KLHL21: variants seen among roughly 807,000 people sequenced by gnomAD.
The protein encoded by KLHL21 is kelch-like protein 21.
A neutral mutation model predicts 44.1 loss-of-function variants in KLHL21; 42 were observed. The observed-to-expected ratio is 0.95, with a 90% confidence interval of 0.74 to 1.23. KLHL21 has a LOEUF of 1.23. KLHL21 is among the 50% of genes most tolerant of loss of function. The pLI, the probability that KLHL21 is intolerant of heterozygous loss-of-function variation, is 0.00. For missense variants in KLHL21, 918 were observed against 889.1 expected (o/e 1.03, Z -0.41); for synonymous variants, 524 against 411.6 (o/e 1.27, Z -3.31).
At position 6,592,300 on chromosome 1, in the gene KLHL21, G is replaced by A. The variant is rs918527679; in HGVS notation, c.*1065C>T. 17 of 152,340 alleles carry A rather than the reference G, an allele frequency of 1.1e-4. No individual in the cohort carries two copies. The highest frequency in any genetic ancestry group is 3.6e-4 in the African/African-American group (15 of 41,570). 9.4% of individuals were successfully genotyped at this position (152,340 alleles called of 1,614,324 possible). ...CCCTCTTCTCTAAAAAGGAGGCAAG[G>A]ACAAAAACTCAAGCCAAGGCTACTT... On this transcript the variant is annotated 3_prime_UTR_variant, in exon 4 of 4. Transcript: ENST00000377658.
chr1:6,601,888 C>G lies in KLHL21; in HGVS notation c.930G>C (p.Gln310His), dbSNP rs1302529223. Residue 310 changes from glutamine to histidine, a missense_variant, in exon 1 of 4, where the codon CAG becomes CAC. Coordinates refer to ENST00000377658, the MANE Select transcript of KLHL21 (RefSeq NM_014851.4). ...ELVTVDCYNP[Q>H]TGQWRYLAEF... ...CGGCCAGGTAGCGCCACTGACCCGT[C>G]TGCGGGTTGTAGCAGTCGACAGTGA... The G allele has an allele frequency of 8.3e-6, 13 of 1,569,986 alleles. No homozygotes were observed. The highest frequency in any genetic ancestry group is 3.3e-4 in the Middle Eastern group (2 of 6,050).
rs1331224278 is a variant in KLHL21 at position 6,590,949 on chromosome 1, A to C, written c.*2416T>G. On this transcript the variant is annotated 3_prime_UTR_variant, in exon 4 of 4. Coordinates refer to ENST00000377658, the MANE Select transcript of KLHL21 (RefSeq NM_014851.4). ...ACCTTATAGTAGATCAGCATTAAAT[A>C]CCAGTCACTGTGTTTATATAACTTA... The C allele has an allele frequency of 2.5e-6, 1 of 398,570 alleles. No homozygotes were observed. Among genetic ancestry groups the C allele is most frequent in the African/African-American group, 2.1e-5 (1 of 48,654 alleles). The allele number at this position is 398,570 out of a possible 1,614,324, so 24.7% of individuals were successfully genotyped here. A position where few individuals can be genotyped will look rare whatever the true frequency, so the allele number is the denominator to read the frequency against.
rs1570204866 is a variant in KLHL21 at position 6,601,789 on chromosome 1, C to T, written c.1021+8G>A. ...CCAGAGAGCCTGCCCAGCCCCTGGC[C>T]CACTCACCCGTCACGTAGATGTCAT... On this transcript the variant is annotated splice_region_variant and intron_variant, in intron 1 of 3. Coordinates refer to ENST00000377658, the MANE Select transcript of KLHL21 (RefSeq NM_014851.4). 2 of 1,563,288 alleles carry T rather than the reference C, an allele frequency of 1.3e-6. No homozygotes were observed. Among genetic ancestry groups the T allele is most frequent in the Non-Finnish European group, 8.7e-7 (1 of 1,151,512 alleles).
Position 6,592,425 on chromosome 1 carries a change from C to G in KLHL21, c.*940G>C, listed in dbSNP as rs139697740. 6.6e-6 allele frequency: 1 copy of G among 152,368 alleles called. No homozygotes were observed. The highest frequency in any genetic ancestry group is 1.9e-4 in the East Asian group (1 of 5,192). 9.4% of individuals were successfully genotyped at this position (152,368 alleles called of 1,614,324 possible). A position where few individuals can be genotyped will look rare whatever the true frequency, so the allele number is the denominator to read the frequency against. On this transcript the variant is annotated 3_prime_UTR_variant, in exon 4 of 4. Transcript: ENST00000377658. ...GCAGAAAGCTTTGGCAATGGGACTT[C>G]TTAGACTGGACAAATCAAACAAAGC... is the stretch of plus-strand genomic sequence containing the variant.
rs566679695 is a variant in KLHL21 at position 6,598,461 on chromosome 1, T to C, written c.1427+586A>G. On this transcript the variant is annotated intron_variant, in intron 2 of 3. Coordinates refer to ENST00000377658, the MANE Select transcript of KLHL21 (RefSeq NM_014851.4). ...GGCACATGCCTGTAATCCCAGCTAC[T>C]TGGCAGGCTGAGGCAGGAGAATGGC... Among the ~76,000 whole-genome samples the C allele has an allele frequency of 2.6e-5, 4 of 151,912 alleles. No homozygotes were observed. In the East Asian group the frequency reaches 7.8e-4, roughly 29 times the overall value.
intron 3 of KLHL21, chr1:6,595,179 T>C: frequency 1.7e-6 from 1 of 572,788 alleles, no homozygotes; most frequent in Non-Finnish European, 3.1e-6. Context: ...GCTGTCCCTC[T>C]CTGGAACAGG....
rs1640835200 is a variant in KLHL21 at position 6,590,747 on chromosome 1, A to C, written c.*2618T>G. ...AATGGATAGGAAATACTTTTATTGC[A>C]AAAAGTACTGAAGGTACCCTAAAAC... On this transcript the variant is annotated 3_prime_UTR_variant, in exon 4 of 4. Transcript: ENST00000377658. The C allele has an allele frequency of 5.1e-6, 2 of 390,886 alleles. No individual in the cohort carries two copies. The highest frequency in any genetic ancestry group is 7.2e-5 in the East Asian group (2 of 27,740). 24.2% of individuals were successfully genotyped at this position (390,886 alleles called of 1,614,324 possible).
At position 6,602,769 on chromosome 1, in the gene KLHL21, G is replaced by A; in HGVS notation, c.49C>T (p.His17Tyr). 3 of 1,489,536 alleles carry A rather than the reference G, an allele frequency of 2.0e-6. No homozygotes were observed. Among genetic ancestry groups the A allele is most frequent in the Non-Finnish European group, 2.7e-6 (3 of 1,128,266 alleles). 92.3% of individuals were successfully genotyped at this position (1,489,536 alleles called of 1,614,324 possible). Residue 17 changes from histidine (H) to tyrosine (Y), a missense_variant, in exon 1 of 4, where the codon CAC becomes TAC. Coordinates refer to ENST00000377658, the MANE Select transcript of KLHL21 (RefSeq NM_014851.4). ...LAVLPFSDPA[H>Y]ALSLLRGLSQ... ...AGGCCGCGCAGCAGGCTCAGGGCGT[G>A]CGCGGGGTCCGAGAAGGGAAGCACG...
chr1:6,601,866 C>A lies in KLHL21; in HGVS notation c.952G>T (p.Ala318Ser). 6.3e-7 allele frequency: 1 copy of A among 1,575,712 alleles called. No homozygotes were observed. ...NPQTGQWRYL[A>S]EFPDHLGGGY... ...CCGCCCAGGTGGTCTGGGAACTCGGCCAGGTAGCGCCACTGACCCGTCTGC... is the reference window on the plus strand; with the variant it reads ...CCGCCCAGGTGGTCTGGGAACTCGGACAGGTAGCGCCACTGACCCGTCTGC... Residue 318 changes from alanine (A) to serine (S), a missense_variant, in exon 1 of 4, where the codon GCC becomes TCC. Coordinates refer to ENST00000377658, the MANE Select transcript of KLHL21 (RefSeq NM_014851.4).
At chr1:6,599,702 G>GA in intron 1 of KLHL21, 1 of 542,852 alleles carries the variant, frequency 1.8e-6, no homozygotes. Flanking sequence ...TGCAATGCTG[G>GA]AAGAATCCAG....
Position 6,595,573 on chromosome 1 carries a change from C to A in KLHL21, c.1428-16G>T. 6.2e-7 allele frequency: 1 copy of A among 1,610,946 alleles called. No homozygotes were observed. The highest frequency in any genetic ancestry group is 8.5e-7 in the Non-Finnish European group (1 of 1,178,152). On this transcript the variant is annotated splice_polypyrimidine_tract_variant and intron_variant, in intron 2 of 3. Coordinates refer to ENST00000377658, the MANE Select transcript of KLHL21 (RefSeq NM_014851.4). ...GGAGTCATCCCTGTGGAGGGGGCAG[C>A]AGGAGGACAACTGCTCAGAGCGAGG...
At position 6,602,644 on chromosome 1, in the gene KLHL21, G is replaced by A. The variant is rs560380042; in HGVS notation, c.174C>T (p.Ser58=). The part of the protein sequence containing the change: ...PAHRAVLAAA[S]PYFRAMFAGQ... The stretch of plus-strand genomic sequence containing the variant: ...CCGCGAACATGGCGCGGAAGTAGGG[G>A]CTGGCGGCGGCCAGCACCGCACGGT... The change falls in exon 1 of 4, where the codon AGC becomes AGT. Residue 58 remains serine (S), a synonymous_variant. Coordinates refer to ENST00000377658, the MANE Select transcript of KLHL21 (RefSeq NM_014851.4). 112 of 1,515,304 alleles carry A rather than the reference G, an allele frequency of 7.4e-5. 1 individual carries two copies. In the African/African-American group the frequency reaches 1.3e-3, roughly 17 times the overall value. The allele number at this position is 1,515,304 out of a possible 1,614,324, so 93.9% of individuals were successfully genotyped here. A position where few individuals can be genotyped will look rare whatever the true frequency, so the allele number is the denominator to read the frequency against.
chr1:6,599,181 A>G lies in KLHL21; in HGVS notation c.1293T>C (p.Ala431=), dbSNP rs780390819. The G allele has an allele frequency of 4.3e-6, 7 of 1,614,130 alleles. No homozygotes were observed. The South Asian group carries it at 6.6e-5, about 15-fold the overall frequency. The part of the protein sequence containing the change: ...RGRLYAIGSL[A]GKETMVMQCY... The stretch of plus-strand genomic sequence containing the variant: ...ACTGCATCACCATGGTCTCCTTGCC[A>G]GCCAGGGAGCCGATGGCATAGAGCC... The change falls in exon 2 of 4, where the codon GCT becomes GCC. Residue 431 remains alanine, a synonymous_variant. Coordinates refer to ENST00000377658, the MANE Select transcript of KLHL21 (RefSeq NM_014851.4).
chr1:6,602,590 C>G lies in KLHL21; in HGVS notation c.228G>C (p.Arg76=). The G allele has an allele frequency of 1.3e-6, 2 of 1,528,448 alleles. No homozygotes were observed. The allele number at this position is 1,528,448 out of a possible 1,614,324, so 94.7% of individuals were successfully genotyped here. Residue 76 remains arginine (R), a synonymous_variant, in exon 1 of 4, where the codon CGG becomes CGC. Coordinates refer to ENST00000377658, the MANE Select transcript of KLHL21 (RefSeq NM_014851.4). The part of the protein sequence containing the change: ...AGQLRESRAE[R]VRLHGVPPDM... Reference sequence around the variant, plus strand: ...CGGGAGGCACTCCGTGCAGGCGCACCCGCTCGGCGCGGCTCTCGCGCAGCT... The same window carrying G: ...CGGGAGGCACTCCGTGCAGGCGCACGCGCTCGGCGCGGCTCTCGCGCAGCT...
rs1557438315 is a variant in KLHL21 at position 6,602,837 on chromosome 1, CGAG to C, written c.-23_-21del. The C allele has an allele frequency of 7.1e-7, 1 of 1,403,930 alleles. No homozygotes were observed. 87.0% of individuals were successfully genotyped at this position (1,403,930 alleles called of 1,614,324 possible). ...CTCCATGGCGCCTTCGATAGGTTGT[CGAG>C]GACGCCGCGGCCGGGGCCTGCGGAG... is the stretch of plus-strand genomic sequence containing the variant. On this transcript the variant is annotated 5_prime_UTR_variant, in exon 1 of 4. Transcript: ENST00000377658.
In KLHL21 at chr1:6,599,472, G is replaced by A. The variant is rs372784949; in HGVS notation, c.1022-20C>T. ...ACCCACCTGCCAGGACGCATGACAG[G>A]CAGAAGATCAGCCCACTCAGGTGAG... On this transcript the variant is annotated intron_variant, in intron 1 of 3. Transcript: ENST00000377658. The A allele has an allele frequency of 6.3e-7, 1 of 1,584,348 alleles. No individual in the cohort carries two copies. The highest frequency in any genetic ancestry group is 8.6e-7 in the Non-Finnish European group (1 of 1,163,692).
In KLHL21 at chr1:6,593,182, C is replaced by A. The variant is rs1640875754; in HGVS notation, c.*183G>T. 3.4e-6 allele frequency: 2 copies of A among 596,108 alleles called. No homozygotes were observed. The highest frequency in any genetic ancestry group is 3.7e-5 in the African/African-American group (2 of 54,308). 36.9% of individuals were successfully genotyped at this position (596,108 alleles called of 1,614,324 possible). A position where few individuals can be genotyped will look rare whatever the true frequency, so the allele number is the denominator to read the frequency against. Reference sequence around the variant, plus strand: ...ACTGCAGGGAGGGCGTTCCCGACGGCCTCTGATTCAGGCTCTCAAGGTACA... The same window carrying A: ...ACTGCAGGGAGGGCGTTCCCGACGGACTCTGATTCAGGCTCTCAAGGTACA... On this transcript the variant is annotated 3_prime_UTR_variant, in exon 4 of 4. Transcript: ENST00000377658.
chr1:6,593,497 G>A lies in KLHL21; in HGVS notation c.1662C>T (p.Gly554=), dbSNP rs934771702. 1.2e-6 allele frequency: 2 copies of A among 1,613,686 alleles called. No individual in the cohort carries two copies. The highest frequency in any genetic ancestry group is 1.7e-5 in the Admixed American group (1 of 60,010). Residue 554 remains glycine (G), a synonymous_variant, in exon 4 of 4, where the codon GGC becomes GGT. Transcript: ENST00000377658. ...GRLPEPTFWH[G]SVSIFRQFMP... is the part of the protein sequence containing the mutation. The stretch of plus-strand genomic sequence containing the variant: ...TGAACTGGCGGAAGATGCTGACACT[G>A]CCATGCCAGAAGGTGGGTTCTGGGA...
rs1640974060 is a variant in KLHL21 at position 6,599,158 on chromosome 1, T to C, written c.1316A>G (p.Gln439Arg). 2 of 1,613,968 alleles carry C rather than the reference T, an allele frequency of 1.2e-6. No homozygotes were observed. The highest frequency in any genetic ancestry group is 1.7e-6 in the Non-Finnish European group (2 of 1,180,040). Residue 439 changes from glutamine (Q) to arginine (R), a missense_variant, in exon 2 of 4, where the codon CAG (glutamine) becomes CGG (arginine). Gln to Arg is a conservative substitution (Grantham distance 43). Transcript: ENST00000377658. ...CAGGTCGGTGTCCGGGTCGTAGCAC[T>C]GCATCACCATGGTCTCCTTGCCAGC... ...SLAGKETMVM[Q>R]CYDPDTDLWS...
Sources: gnomAD v4.1 joint callset for allele counts (sites outside exome capture counted in the v4.1 genomes callset) on GRCh38, gnomAD v4.1.1 for gene constraint, MANE v1.5 for transcripts, NCBI Gene and HGNC (gene_info 2026-07-23, HGNC 2026-07-21) for gene names.